The following PRLR variants were observed in gnomAD, a reference collection of about 807,000 sequenced individuals.
PRLR encodes the protein prolactin receptor, also known as hPRL receptor.
PRLR carries 13 observed loss-of-function variants against 40.2 expected under a neutral mutation model. The observed-to-expected ratio is 0.32, with a 90% CI of 0.21 to 0.51. The LOEUF (loss-of-function observed/expected upper bound fraction) is 0.51. Ranked by LOEUF, PRLR falls within the 20% of genes least tolerant of loss-of-function variation. PRLR has a pLI of 0.97. For missense variants in PRLR, 656 were observed against 747.3 expected, an observed-to-expected ratio of 0.88 and a Z score of 1.42; for synonymous variants, 269 against 278.7, an observed-to-expected ratio of 0.97 and a Z score of 0.35.
Position 35,090,617 on chromosome 5 carries a change from G to A in PRLR, c.-43-954C>T, listed in dbSNP as rs16871674. On this transcript the variant is annotated intron_variant, in intron 2 of 9. Coordinates refer to ENST00000618457, the MANE Select transcript of PRLR (RefSeq NM_000949.7). Reference sequence around the variant, plus strand: ...TTGTTGTTGTTGTTGTTTTAATCAAGGGAAGAACATTCAGGATCAAAGCTG... The same window carrying A: ...TTGTTGTTGTTGTTGTTTTAATCAAAGGAAGAACATTCAGGATCAAAGCTG... Among the ~76,000 whole-genome samples, 931 of 151,674 alleles carry A rather than the reference G, an allele frequency of 6.1e-3. 8 individuals are homozygous for A. The highest frequency in any genetic ancestry group is 0.021 in the African/African-American group (873 of 41,346).
chr5:35,170,806 T>C (rs1296723595), intron 1 of PRLR, among the ~76,000 whole-genome samples: 1 of 152,232 alleles, frequency 6.6e-6, no homozygotes, highest in Non-Finnish European at 1.5e-5. Context: ...AGCACAGATT[T>C]AGCACAAGGG....
intron 1 of PRLR, among the ~76,000 whole-genome samples, chr5:35,216,598 T>C (rs1430957291): frequency 1.3e-5 from 2 of 152,192 alleles, no homozygotes; most frequent in Non-Finnish European, 2.9e-5. Flanking sequence ...GTGATGACCA[T>C]GGACAACCTG....
intron 1 of PRLR, among the ~76,000 whole-genome samples, chr5:35,160,565 G>C (rs934180437): frequency 8.5e-5 from 13 of 152,230 alleles, no homozygotes; most frequent in African/African-American, 3.1e-4. Flanking sequence ...ATGGGGAGGA[G>C]AGGAGCCTGA....
intron 1 of PRLR, among the ~76,000 whole-genome samples, chr5:35,216,110 C>T (rs769522449): frequency 2.3e-4 from 35 of 151,874 alleles, no homozygotes; most frequent in Non-Finnish European, 4.6e-4. Flanking sequence ...ACTTTCTTTT[C>T]ACTTAGCTGG....
chr5:35,102,507 T>TCTCCTCTCCC (rs1561299506), intron 2 of PRLR, among the ~76,000 whole-genome samples: 5 of 119,924 alleles, frequency 4.2e-5, no homozygotes, highest in East Asian at 2.3e-4. Context: ...ACTCCTCTCC[T>TCTCCTCTCCC]CTCCTCTCCT....
chr5:35,155,326 G>T (rs1774458761), intron 1 of PRLR, among the ~76,000 whole-genome samples: 1 of 152,116 alleles, frequency 6.6e-6, no homozygotes, highest in African/African-American at 2.4e-5. Context: ...CATTTGTGAA[G>T]CTGAGGTGAG....
intron 1 of PRLR, among the ~76,000 whole-genome samples, chr5:35,190,156 G>GTGGTACTTT (rs1775561927): frequency 2.0e-5 from 3 of 152,238 alleles, no homozygotes; most frequent in African/African-American, 7.2e-5. Context: ...ACTTTGTTAT[G>GTGGTACTTT]GCAGCCCCAG....
At chr5:35,069,371 G>C (rs1329073439) in intron 7 of PRLR, among the ~76,000 whole-genome samples, 1 of 152,202 alleles carries the variant, frequency 6.6e-6, no homozygotes, top group African/African-American at 2.4e-5. Context: ...TGTTAAGCAA[G>C]AGTCAGGAGT....
At chr5:35,077,860 G>A (rs1561274853) in intron 5 of PRLR, among the ~76,000 whole-genome samples, 1 of 152,120 alleles carries the variant, frequency 6.6e-6, no homozygotes, top group African/African-American at 2.4e-5. Flanking sequence ...CTATCTCTCA[G>A]ACCACAGTGC....
intron 1 of PRLR, among the ~76,000 whole-genome samples, chr5:35,190,793 C>T (rs1218142246): frequency 6.6e-6 from 1 of 152,164 alleles, no homozygotes; most frequent in Non-Finnish European, 1.5e-5. Context: ...AGCATCTTGA[C>T]CACTGTGTAT....
chr5:35,220,751 G>A (rs910785411), intron 1 of PRLR, among the ~76,000 whole-genome samples: 13 of 152,002 alleles, frequency 8.6e-5, no homozygotes, highest in Admixed American at 5.9e-4. Flanking sequence ...TCTGTCCATC[G>A]TTCTCCCCTG....
At chr5:35,132,868 A>C (rs928968552) in intron 1 of PRLR, among the ~76,000 whole-genome samples, 14 of 152,184 alleles carry the variant, frequency 9.2e-5, no homozygotes, top group African/African-American at 3.4e-4. Flanking sequence ...AGCTGATAAA[A>C]TATTATTTCT....
rs144344622 is a variant in PRLR, at chr5:35,187,764, T to C, written c.-106+42504A>G. Among the ~76,000 whole-genome samples, 55 of 152,288 alleles carry C rather than the reference T, an allele frequency of 3.6e-4. 1 individual carries two copies. Among genetic ancestry groups the C allele is most frequent in the African/African-American group, 1.3e-3 (53 of 41,552 alleles). On this transcript the variant is annotated intron_variant, in intron 1 of 9. Coordinates refer to ENST00000618457, the MANE Select transcript of PRLR (RefSeq NM_000949.7). The stretch of plus-strand genomic sequence containing the variant: ...TGGGGCAGCAGGATCAGAGTAGACA[T>C]CCTGCTTCCCAGTCCAGGGTTTTCC...
intron 1 of PRLR, among the ~76,000 whole-genome samples, chr5:35,181,418 G>T (rs1775292783): frequency 6.6e-6 from 1 of 152,164 alleles, no homozygotes; most frequent in African/African-American, 2.4e-5. Context: ...GGGGAGAGGT[G>T]CTGTGTGCTT....
intron 5 of PRLR, among the ~76,000 whole-genome samples, chr5:35,079,807 C>T (rs1251654742): frequency 1.3e-5 from 2 of 152,122 alleles, no homozygotes; most frequent in East Asian, 1.9e-4. Flanking sequence ...GCTACAGTAA[C>T]CAAAACAGCA....
Position 35,065,252 on chromosome 5 carries a change from A to ACGTTTTTAGCATG in PRLR, c.1693_1705dup (p.Val569AlafsTer3). ...TTTGGCTGATTCTTCAAAGCAAGCC[A>ACGTTTTTAGCATG]CGTTTTTAGCATGTGGATCTGGCAC... On this transcript the variant is annotated stop_gained and frameshift_variant, in exon 10 of 10. Coordinates refer to ENST00000618457, the MANE Select transcript of PRLR (RefSeq NM_000949.7). LOFTEE classifies it low-confidence loss of function (END_TRUNC). The ACGTTTTTAGCATG allele has an allele frequency of 6.2e-7, 1 of 1,614,114 alleles. No individual in the cohort carries two copies. The highest frequency in any genetic ancestry group is 8.5e-7 in the Non-Finnish European group (1 of 1,180,022).
chr5:35,072,606 C>A lies in PRLR; in HGVS notation c.512G>T (p.Arg171Leu). 1 of 1,613,882 alleles carries A rather than the reference C, an allele frequency of 6.2e-7. No individual in the cohort carries two copies. The highest frequency in any genetic ancestry group is 8.5e-7 in the Non-Finnish European group (1 of 1,179,936). Reference protein sequence around the residue: ...TGWFTLLYEIRLKPEKAAEWE... With the variant: ...TGWFTLLYEILLKPEKAAEWE... ...CTCAGCTGCTTTCTCGGGTTTTAAT[C>A]GAATTTCATACAGGAGCGTGAACCA... is the stretch of plus-strand genomic sequence containing the variant. The change falls in exon 6 of 10, where the codon CGA becomes CTA. Residue 171 changes from arginine (R) to leucine (L), a missense_variant. Arg to Leu is a moderately radical substitution (Grantham distance 102). Coordinates refer to ENST00000618457, the MANE Select transcript of PRLR (RefSeq NM_000949.7).
At chr5:35,091,736 C>A (rs1279034397) in intron 2 of PRLR, among the ~76,000 whole-genome samples, 1 of 152,198 alleles carries the variant, frequency 6.6e-6, no homozygotes, top group Non-Finnish European at 1.5e-5. Flanking sequence ...TACTGCCCTA[C>A]TTACGCCCAA....
intron 1 of PRLR, among the ~76,000 whole-genome samples, chr5:35,214,728 C>T (rs1189362392): frequency 6.6e-6 from 1 of 152,200 alleles, no homozygotes; most frequent in Non-Finnish European, 1.5e-5. Context: ...TGCTTCTAAC[C>T]TCACAGGCTA....
Sources: gnomAD v4.1 joint callset for allele counts (sites outside exome capture counted in the v4.1 genomes callset) on GRCh38, gnomAD v4.1.1 for gene constraint, MANE v1.5 for transcripts, NCBI Gene and HGNC (gene_info 2026-07-23, HGNC 2026-07-21) for gene names.